The following SHTN1 variants were observed in gnomAD, a reference collection of about 807,000 sequenced individuals.
SHTN1 encodes the protein shootin-1.
SHTN1 carries 42 observed loss-of-function variants against 83.1 expected under a neutral mutation model. The ratio of observed to expected loss-of-function variants is 0.51; its 90% CI spans 0.39 to 0.65. SHTN1 has a LOEUF of 0.65. SHTN1 is among the 30% of genes least tolerant of loss of function. The probability of loss-of-function intolerance (pLI) is 0.00; values close to 1 mark genes in which losing one functional copy is unlikely to be tolerated. For synonymous variants in SHTN1, 224 were observed against 247.7 expected (o/e 0.90, Z 0.90); for missense variants, 622 against 737.8 (o/e 0.84, Z 1.82).
At chr10:116,913,544 A>G (rs1274736725) in intron 13 of SHTN1, among the ~76,000 whole-genome samples, 1 of 152,258 alleles carries the variant, frequency 6.6e-6, no homozygotes, top group African/African-American at 2.4e-5. Flanking sequence ...AAACGAAAGT[A>G]CGTATGGAAC....
chr10:116,904,428 G>A (rs1349073453), intron 15 of SHTN1, among the ~76,000 whole-genome samples: 1 of 149,964 alleles, frequency 6.7e-6, no homozygotes, highest in African/African-American at 2.5e-5. Flanking sequence ...TTGTAAGTTT[G>A]TTTCCTTCCT....
chr10:116,955,771 T>A (rs1403065759), intron 4 of SHTN1, among the ~76,000 whole-genome samples: 1 of 152,198 alleles, frequency 6.6e-6, no homozygotes, highest in Non-Finnish European at 1.5e-5. Context: ...GGTTATGAAC[T>A]CTTCCATGGA....
intron 2 of SHTN1, among the ~76,000 whole-genome samples, chr10:117,022,843 G>C (rs1852283270): frequency 6.6e-6 from 1 of 152,094 alleles, no homozygotes; most frequent in African/African-American, 2.4e-5. Flanking sequence ...ATCACTTGAA[G>C]GGAAGGGAAG....
intron 2 of SHTN1, among the ~76,000 whole-genome samples, chr10:117,045,437 T>C (rs998177877): frequency 1.3e-5 from 2 of 152,222 alleles, no homozygotes; most frequent in Admixed American, 1.3e-4. Context: ...TCTCCCCACA[T>C]CTTACCACCA....
chr10:116,973,250 A>C (rs934500730), intron 2 of SHTN1, among the ~76,000 whole-genome samples: 3 of 152,158 alleles, frequency 2.0e-5, no homozygotes, highest in African/African-American at 7.2e-5. Context: ...CAACATTCTA[A>C]ATTGTATCTA....
intron 16 of SHTN1, 88 bp downstream of exon 16, chr10:116,901,677 T>C: frequency 2.2e-6 from 3 of 1,366,450 alleles, no homozygotes; most frequent in Non-Finnish European, 2.8e-6. Flanking sequence ...AATCAAAATC[T>C]CTCTAAAGGA....
At chr10:117,096,189 C>T (rs988253099) in intron 1 of SHTN1, among the ~76,000 whole-genome samples, 1 of 152,110 alleles carries the variant, frequency 6.6e-6, no homozygotes, top group African/African-American at 2.4e-5. Flanking sequence ...TAAAGTGTAA[C>T]GATTTGGTTA....
At chr10:117,002,561 TG>T (rs1851860577) in intron 1 of SHTN1, among the ~76,000 whole-genome samples, 1 of 152,204 alleles carries the variant, frequency 6.6e-6, no homozygotes, top group Admixed American at 6.5e-5. Flanking sequence ...AAATAAACCA[TG>T]CAACCATCAG....
chr10:117,047,020 G>GA (rs1852673160), intron 2 of SHTN1, among the ~76,000 whole-genome samples: 1 of 151,940 alleles, frequency 6.6e-6, no homozygotes, highest in African/African-American at 2.4e-5. Context: ...GAGAAAAAAT[G>GA]AAAAAACAAA....
intron 1 of SHTN1, among the ~76,000 whole-genome samples, chr10:116,989,913 T>C (rs1328066194): frequency 6.6e-6 from 1 of 152,214 alleles, no homozygotes; most frequent in African/African-American, 2.4e-5. Flanking sequence ...AAACATAATT[T>C]CTTCTCCCTT....
At chr10:116,892,741 T>C (rs1847377534) in intron 16 of SHTN1, among the ~76,000 whole-genome samples, 1 of 152,224 alleles carries the variant, frequency 6.6e-6, no homozygotes, top group Admixed American at 6.5e-5. Context: ...AATGTGTTTA[T>C]TGGGTTTCAG....
At chr10:117,065,856 A>AAGGAAGGAAGGAAGGAAAGGAG in intron 1 of SHTN1, among the ~76,000 whole-genome samples, 1 of 37,066 alleles carries the variant, frequency 2.7e-5, no homozygotes, top group East Asian at 2.0e-3. Context: ...AAGGAAGGAA[A>AAGGAAGGAAGGAAGGAAAGGAG]GGAGGGAGGG....
chr10:117,054,347 T>C (rs1357434123), intron 1 of SHTN1, among the ~76,000 whole-genome samples: 1 of 152,060 alleles, frequency 6.6e-6, no homozygotes, highest in Non-Finnish European at 1.5e-5. Flanking sequence ...GACATCAATC[T>C]TGCTAAACAG....
intron 1 of SHTN1, among the ~76,000 whole-genome samples, chr10:117,107,682 G>C (rs1853691855): frequency 6.6e-6 from 1 of 152,182 alleles, no homozygotes; most frequent in South Asian, 2.1e-4. Context: ...ACTCTAACTA[G>C]CCAAGTCTCA....
chr10:116,995,263 T>C (rs1382411925), intron 1 of SHTN1, among the ~76,000 whole-genome samples: 1 of 152,190 alleles, frequency 6.6e-6, no homozygotes, highest in East Asian at 1.9e-4. Flanking sequence ...AACTCTGACC[T>C]GTACAGGTCT....
intron 1 of SHTN1, among the ~76,000 whole-genome samples, chr10:117,052,829 C>T (rs1852767221): frequency 6.6e-6 from 1 of 151,010 alleles, no homozygotes; most frequent in Admixed American, 6.6e-5. Flanking sequence ...ACCATCCTGG[C>T]TAACATGGTG....
At chr10:116,942,708 T>C (rs1220659477) in intron 8 of SHTN1, among the ~76,000 whole-genome samples, 1 of 152,222 alleles carries the variant, frequency 6.6e-6, no homozygotes, top group Non-Finnish European at 1.5e-5. Context: ...AAGGCACACA[T>C]ACTCCTTTTT....
At chr10:117,018,507 TAAA>T (rs749150327) in intron 2 of SHTN1, among the ~76,000 whole-genome samples, 2,659 of 129,434 alleles carry the variant, frequency 0.021, 93 homozygotes, top group African/African-American at 0.067. Flanking sequence ...GTATTTTTTT[TAAA>T]AAAAAAAAAA....
intron 16 of SHTN1, among the ~76,000 whole-genome samples, chr10:116,889,599 G>T (rs1411866747): frequency 6.6e-6 from 1 of 152,134 alleles, no homozygotes; most frequent in Non-Finnish European, 1.5e-5. Context: ...AGAGGGGAAG[G>T]AACTGGCCCG....
Sources: gnomAD v4.1 joint callset for allele counts (sites outside exome capture counted in the v4.1 genomes callset) on GRCh38, gnomAD v4.1.1 for gene constraint, MANE v1.5 for transcripts, NCBI Gene and HGNC (gene_info 2026-07-23, HGNC 2026-07-21) for gene names.